TIPRL: variants seen among roughly 807,000 people sequenced by gnomAD.
The protein encoded by TIPRL is TOR signaling pathway regulator.
A neutral mutation model predicts 32.3 loss-of-function variants in TIPRL; 10 were observed. The ratio of observed to expected loss-of-function variants is 0.31; its 90% CI spans 0.19 to 0.52. The LOEUF (loss-of-function observed/expected upper bound fraction) is 0.52. Ranked by LOEUF, TIPRL falls within the 20% of genes least tolerant of loss-of-function variation. The pLI is 0.96. For synonymous variants in TIPRL, 100 were observed against 114.0 expected (o/e 0.88, Z 0.78); for missense variants, 250 against 328.1 (o/e 0.76, Z 1.84).
At position 168,191,488 on chromosome 1, in the gene TIPRL, G is replaced by C; in HGVS notation, c.504G>C (p.Leu168=). 6.7e-7 allele frequency: 1 copy of C among 1,500,032 alleles called. No homozygotes were observed. The highest frequency in any genetic ancestry group is 8.8e-7 in the Non-Finnish European group (1 of 1,133,412). 92.9% of individuals were successfully genotyped at this position (1,500,032 alleles called of 1,614,324 possible). A position where few individuals can be genotyped will look rare whatever the true frequency, so the allele number is the denominator to read the frequency against. ...TTCATGATCATGGAGTTTCAAGCCT[G>C]AGTGTGAAGATTGTGAGTATTATTT... ...DELHDHGVSS[L]SVKIRVMPSS... is the part of the protein sequence containing the mutation. Residue 168 remains leucine, a synonymous_variant, in exon 4 of 7, where the codon CTG becomes CTC. Transcript: ENST00000367833.
intron 4 of TIPRL, among the ~76,000 whole-genome samples, chr1:168,194,860 T>C (rs969575979): frequency 6.6e-6 from 1 of 152,184 alleles, no homozygotes; most frequent in African/African-American, 2.4e-5. Flanking sequence ...AAGCAGATAT[T>C]TCCACCACCA....
intron 3 of TIPRL, among the ~76,000 whole-genome samples, chr1:168,186,694 G>A (rs887344963): frequency 2.0e-4 from 30 of 152,016 alleles, no homozygotes; most frequent in Admixed American, 5.9e-4. Context: ...GGCCGAGGCA[G>A]GCAGATCACC....
At chr1:168,180,098 G>C (rs752893146) in intron 1 of TIPRL, among the ~76,000 whole-genome samples, 5 of 152,184 alleles carry the variant, frequency 3.3e-5, no homozygotes, top group Non-Finnish European at 7.3e-5. Flanking sequence ...TCAGATGTAC[G>C]CTCTGAAAGA....
intron 4 of TIPRL, among the ~76,000 whole-genome samples, chr1:168,191,858 C>CGAAAAAA (rs1558164787): frequency 2.6e-5 from 1 of 38,902 alleles, no homozygotes; most frequent in Non-Finnish European, 5.6e-5. Context: ...GGCGACAGAG[C>CGAAAAAA]AAAAAAAAAA....
intron 3 of TIPRL, among the ~76,000 whole-genome samples, chr1:168,189,068 C>T (rs1351716022): frequency 2.6e-5 from 4 of 152,124 alleles, no homozygotes; most frequent in Non-Finnish European, 5.9e-5. Flanking sequence ...TCTCCAGGGT[C>T]CTTGTCCTTA....
At chr1:168,181,513 C>T (rs1699962827) in intron 1 of TIPRL, among the ~76,000 whole-genome samples, 1 of 151,322 alleles carries the variant, frequency 6.6e-6, no homozygotes, top group Admixed American at 6.6e-5. Context: ...CACCCGGCCT[C>T]CTCTCCATAT....
At chr1:168,195,959 C>G (rs767070923) in intron 4 of TIPRL, among the ~76,000 whole-genome samples, 1 of 152,210 alleles carries the variant, frequency 6.6e-6, no homozygotes, top group Non-Finnish European at 1.5e-5. Context: ...CATACTTTCT[C>G]CACTGATTCT....
intron 3 of TIPRL, among the ~76,000 whole-genome samples, chr1:168,188,488 T>C (rs1043374958): frequency 2.0e-5 from 3 of 152,212 alleles, no homozygotes; most frequent in African/African-American, 7.2e-5. Context: ...AATAAAACTT[T>C]ATGGACAGTG....
chr1:168,191,150 T>C (rs1700092347), intron 3 of TIPRL, among the ~76,000 whole-genome samples: 1 of 152,190 alleles, frequency 6.6e-6, no homozygotes, highest in Non-Finnish European at 1.5e-5. Flanking sequence ...GCTTTTTTTG[T>C]GAAGCTATAA....
intron 6 of TIPRL, among the ~76,000 whole-genome samples, chr1:168,199,285 T>G (rs1340684548): frequency 6.6e-6 from 1 of 152,194 alleles, no homozygotes; most frequent in African/African-American, 2.4e-5. Context: ...GTGATGGATG[T>G]TCTTTACACT....
chr1:168,182,352 G>A lies in TIPRL; in HGVS notation c.105-1550G>A, dbSNP rs149917969. Among the ~76,000 whole-genome samples the A allele has an allele frequency of 2.3e-3, 349 of 152,210 alleles. 2 individuals carry two copies. The highest frequency in any genetic ancestry group is 6.1e-3 in the African/African-American group (253 of 41,534). Reference sequence around the variant, plus strand: ...GAAATAGGGCATTTTCAGGCCGGGCGCGGTGACTCACGCCTGTAATCCCAG... The same window carrying A: ...GAAATAGGGCATTTTCAGGCCGGGCACGGTGACTCACGCCTGTAATCCCAG... On this transcript the variant is annotated intron_variant, in intron 1 of 6. Coordinates refer to ENST00000367833, the MANE Select transcript of TIPRL (RefSeq NM_152902.5).
Position 168,184,077 on chromosome 1 carries a change from A to C in TIPRL, c.280A>C (p.Ser94Arg). The C allele has an allele frequency of 6.2e-7, 1 of 1,605,982 alleles. No homozygotes were observed. The highest frequency in any genetic ancestry group is 8.5e-7 in the Non-Finnish European group (1 of 1,173,626). ...GGCCTGTGCTGAAGAGTGGCAAGAAAGCAGGTGAGAATCCGGTCAATTAGG... is the reference window on the plus strand; with the variant it reads ...GGCCTGTGCTGAAGAGTGGCAAGAACGCAGGTGAGAATCCGGTCAATTAGG... ...KVACAEEWQE[S>R]RTEGEHSKEV... The change falls in exon 2 of 7, where the codon AGC becomes CGC. Residue 94 changes from serine (S) to arginine (R), a missense_variant. Transcript: ENST00000367833.
At chr1:168,179,216 C>G (rs752111169) in intron 1 of TIPRL, 35 bp downstream of exon 1, 11 of 1,600,070 alleles carry the variant, frequency 6.9e-6, no homozygotes, top group Non-Finnish European at 9.4e-6. Flanking sequence ...GGGCGCTGGC[C>G]GGTTGCTGGC....
chr1:168,194,357 C>G (rs187998240), intron 4 of TIPRL, among the ~76,000 whole-genome samples: 1 of 152,136 alleles, frequency 6.6e-6, no homozygotes, highest in Non-Finnish European at 1.5e-5. Flanking sequence ...AGTACTCTCA[C>G]AAATTCCCAA....
Position 168,179,117 on chromosome 1 carries a change from T to G in TIPRL, c.40T>G (p.Cys14Gly), listed in dbSNP as rs1465582648. The G allele has an allele frequency of 6.2e-7, 1 of 1,614,096 alleles. No homozygotes were observed. The highest frequency in any genetic ancestry group is 8.5e-7 in the Non-Finnish European group (1 of 1,179,964). The change falls in exon 1 of 7, where the codon TGC becomes GGC. Residue 14 changes from cysteine to glycine, a missense_variant. By Grantham distance (159) the Cys-to-Gly change is radical. Transcript: ENST00000367833. Reference protein sequence around the residue: ...HGFQSSHRDFCFGPWKLTASK... With the variant: ...HGFQSSHRDFGFGPWKLTASK... ...CTTCCAGAGCAGCCACCGGGATTTC[T>G]GCTTCGGGCCCTGGAAGCTGACGGC...
chr1:168,182,782 ACT>A (rs1166714997), intron 1 of TIPRL, among the ~76,000 whole-genome samples: 1 of 152,180 alleles, frequency 6.6e-6, no homozygotes, highest in Non-Finnish European at 1.5e-5. Context: ...GAATCCACAG[ACT>A]CACATATTAT....
At chr1:168,199,073 T>A in intron 6 of TIPRL, 92 bp downstream of exon 6, 1 of 946,598 alleles carries the variant, frequency 1.1e-6, no homozygotes, top group Non-Finnish European at 1.7e-6. Flanking sequence ...CACCCAAGTT[T>A]ACATCCCTAA....
At chr1:168,199,736 G>A (rs1411776688) in intron 6 of TIPRL, among the ~76,000 whole-genome samples, 167 bp from the exon 7 acceptor site, 1 of 152,142 alleles carries the variant, frequency 6.6e-6, no homozygotes, top group Non-Finnish European at 1.5e-5. Flanking sequence ...CAGTAACAAA[G>A]TTGAATGATT....
intron 4 of TIPRL, among the ~76,000 whole-genome samples, chr1:168,194,425 T>C (rs2102312190): frequency 6.6e-6 from 1 of 152,352 alleles, no homozygotes; most frequent in South Asian, 2.1e-4. Context: ...GCACTAGAGT[T>C]CTGGTCTCCT....
Sources: allele counts gnomAD v4.1 joint callset (sites outside exome capture counted in the v4.1 genomes callset), GRCh38; gene constraint gnomAD v4.1.1; transcripts MANE v1.5; gene names NCBI Gene and HGNC (gene_info 2026-07-23, HGNC 2026-07-21).